Variants in NKAIN3 observed in about 807,000 individuals in gnomAD.
NKAIN3 encodes sodium/potassium-transporting ATPase subunit beta-1-interacting protein 3.
A neutral mutation model predicts 30.2 loss-of-function variants in NKAIN3; 25 were observed. The observed-to-expected ratio is 0.83, with a 90% CI of 0.60 to 1.16. The LOEUF is 1.16. Ranked by LOEUF, NKAIN3 falls within the 50% of genes most tolerant of loss-of-function variation. The pLI, the probability that NKAIN3 is intolerant of heterozygous loss-of-function variation, is 0.00. For synonymous variants in NKAIN3, 91 were observed against 89.6 expected, an observed-to-expected ratio of 1.02 and a Z score of -0.09; for missense variants, 225 against 254.1, an observed-to-expected ratio of 0.89 and a Z score of 0.78.
Position 62,647,015 on chromosome 8 carries a change from C to A in NKAIN3, c.273+57221C>A, listed in dbSNP as rs11986586. Among the ~76,000 whole-genome samples the A allele has an allele frequency of 9.4e-3, 1,431 of 152,206 alleles. 16 individuals carry two copies. Among genetic ancestry groups the A allele is most frequent in the African/African-American group, 0.032 (1,328 of 41,544 alleles). ...TTACTCACTTGCTATGAAGTCAATT[C>A]TTAAAGACCGTGTGTGGGTTTTTAC... On this transcript the variant is annotated intron_variant, in intron 3 of 6. Coordinates refer to ENST00000623646, the MANE Select transcript of NKAIN3 (RefSeq NM_001304533.3).
intron 1 of NKAIN3, among the ~76,000 whole-genome samples, chr8:62,302,567 C>T (rs1412852723): frequency 1.3e-5 from 2 of 151,988 alleles, no homozygotes; most frequent in Non-Finnish European, 2.9e-5. Flanking sequence ...AAGTAAGTGA[C>T]CATGAGGGAT....
At chr8:62,821,328 A>G (rs1818842197) in intron 4 of NKAIN3, among the ~76,000 whole-genome samples, 1 of 152,168 alleles carries the variant, frequency 6.6e-6, no homozygotes, top group Non-Finnish European at 1.5e-5. Flanking sequence ...CTATATCAAG[A>G]CAGAGGTCTT....
intron 4 of NKAIN3, among the ~76,000 whole-genome samples, chr8:62,859,521 A>AAAAAAAAAAAAAAAAAAAAAAAAAT (rs67943979): frequency 6.7e-6 from 1 of 150,348 alleles, no homozygotes; most frequent in African/African-American, 2.4e-5. Context: ...AAAAAAAAAA[A>AAAAAAAAAAAAAAAAAAAAAAAAAT]CTTCATGGAA....
intron 1 of NKAIN3, among the ~76,000 whole-genome samples, chr8:62,430,253 G>A (rs1804950134): frequency 6.6e-6 from 1 of 151,538 alleles, no homozygotes; most frequent in Non-Finnish European, 1.5e-5. Context: ...TTCATCTATT[G>A]ATGGACACTT....
Position 62,863,740 on chromosome 8 carries a change from T to A in NKAIN3, c.472-54713T>A, listed in dbSNP as rs1258632146. ...TTTTTACAACTTTCATTGCAACAAA[T>A]CTTTTCCCCTACATATCCCAGCACA... On this transcript the variant is annotated intron_variant, in intron 4 of 6. Transcript: ENST00000623646. 146 of 1,594,620 alleles carry A rather than the reference T, an allele frequency of 9.2e-5. 2 individuals are homozygous for A. The highest frequency in any genetic ancestry group is 6.9e-6 in the Non-Finnish European group (8 of 1,164,072).
intron 4 of NKAIN3, among the ~76,000 whole-genome samples, chr8:62,767,001 T>C (rs983701008): frequency 1.3e-5 from 2 of 149,738 alleles, no homozygotes; most frequent in Non-Finnish European, 3.0e-5. Context: ...GCCATGAGAA[T>C]AGGGAGCAGG....
chr8:62,590,838 G>A (rs1013946111), intron 3 of NKAIN3, among the ~76,000 whole-genome samples: 3 of 151,792 alleles, frequency 2.0e-5, no homozygotes, highest in African/African-American at 7.3e-5. Context: ...ACTGTAATTA[G>A]AACTTGTCAC....
intron 1 of NKAIN3, among the ~76,000 whole-genome samples, chr8:62,503,125 T>C (rs565312127): frequency 1.3e-5 from 2 of 152,250 alleles, no homozygotes; most frequent in African/African-American, 4.8e-5. Context: ...CTCCCAATAT[T>C]TCAACATAGG....
At chr8:62,653,335 G>A (rs1251832292) in intron 3 of NKAIN3, among the ~76,000 whole-genome samples, 1 of 152,042 alleles carries the variant, frequency 6.6e-6, no homozygotes, top group African/African-American at 2.4e-5. Context: ...TCTTATTAGG[G>A]TACTAATCCA....
chr8:62,656,475 CAAAGAAAG>C (rs1026705663), intron 3 of NKAIN3, among the ~76,000 whole-genome samples: 9 of 151,002 alleles, frequency 6.0e-5, no homozygotes, highest in South Asian at 4.2e-4. Context: ...AATAAAAGAA[CAAAGAAAG>C]AAAGAAAGAA....
At chr8:62,660,189 T>G (rs1812900779) in intron 3 of NKAIN3, among the ~76,000 whole-genome samples, 1 of 152,142 alleles carries the variant, frequency 6.6e-6, no homozygotes, top group Non-Finnish European at 1.5e-5. Flanking sequence ...GACCTGGGCT[T>G]CAGGCCACCA....
chr8:62,924,287 C>A (rs532132868), intron 5 of NKAIN3, among the ~76,000 whole-genome samples: 1 of 152,148 alleles, frequency 6.6e-6, no homozygotes, highest in African/African-American at 2.4e-5. Flanking sequence ...CCACCCTTTC[C>A]GGGTTAGTTG....
intron 4 of NKAIN3, chr8:62,855,727 C>G: frequency 6.6e-7 from 1 of 1,515,722 alleles, no homozygotes; most frequent in South Asian, 1.1e-5. Context: ...CGATAGCCTT[C>G]ATCTTGTCCA....
At chr8:62,936,042 T>C (rs2130877255) in intron 5 of NKAIN3, among the ~76,000 whole-genome samples, 1 of 152,290 alleles carries the variant, frequency 6.6e-6, no homozygotes, top group African/African-American at 2.4e-5. Context: ...CTTGATACAA[T>C]GTAAGAGAAT....
chr8:62,578,571 A>G (rs1254688224), intron 1 of NKAIN3, among the ~76,000 whole-genome samples: 4 of 152,120 alleles, frequency 2.6e-5, no homozygotes, highest in African/African-American at 9.6e-5. Flanking sequence ...ACCACTGGCA[A>G]TCTTAGGAAA....
chr8:62,823,120 G>T (rs1260311097), intron 4 of NKAIN3, among the ~76,000 whole-genome samples: 2 of 152,128 alleles, frequency 1.3e-5, no homozygotes, highest in East Asian at 1.9e-4. Context: ...GAATGTGAAG[G>T]CCTGGGCGAT....
rs1824059594 is a variant in NKAIN3, at chr8:62,980,894, A to G, written c.*15487A>G. The G allele has an allele frequency of 6.6e-6, 1 of 152,218 alleles. No individual in the cohort carries two copies. The allele number at this position is 152,218 out of a possible 1,614,324, so 9.4% of individuals were successfully genotyped here. A position where few individuals can be genotyped will look rare whatever the true frequency, so the allele number is the denominator to read the frequency against. On this transcript the variant is annotated 3_prime_UTR_variant, in exon 7 of 7. Transcript: ENST00000623646. ...AGAATCAGTTGGTGTTAGAATTTTT[A>G]ATAACACAGAGAAAGCCATTGAATA...
chr8:62,373,433 C>T (rs1204647846), intron 1 of NKAIN3, among the ~76,000 whole-genome samples: 3 of 152,010 alleles, frequency 2.0e-5, no homozygotes, highest in Admixed American at 2.0e-4. Flanking sequence ...GACTACACAC[C>T]AATATTTTTG....
intron 1 of NKAIN3, among the ~76,000 whole-genome samples, chr8:62,341,036 T>C (rs1815728236): frequency 1.3e-5 from 2 of 152,082 alleles, no homozygotes; most frequent in Admixed American, 1.3e-4. Flanking sequence ...AACTACATGC[T>C]TCAGTGTTAT....
Sources: gnomAD v4.1 joint callset for allele counts (sites outside exome capture counted in the v4.1 genomes callset) on GRCh38, gnomAD v4.1.1 for gene constraint, MANE v1.5 for transcripts, NCBI Gene and HGNC (gene_info 2026-07-23, HGNC 2026-07-21) for gene names.